GJA8: variants seen among roughly 807,000 people sequenced by gnomAD.
The protein encoded by GJA8 is gap junction alpha-8 protein.
GJA8 carries 13 observed loss-of-function variants against 15.3 expected under a neutral mutation model. That is an observed-to-expected ratio of 0.85 (90% CI 0.55 to 1.35). The LOEUF is 1.35. Ranked by LOEUF, GJA8 falls within the 40% of genes most tolerant of loss-of-function variation. The pLI is 0.00. For missense variants in GJA8, 607 were observed against 553.3 expected, an observed-to-expected ratio of 1.10 and a Z score of -0.97; for synonymous variants, 304 against 238.7, an observed-to-expected ratio of 1.27 and a Z score of -2.52.
chr1:147,909,291 G>C (rs781853115), downstream of GJA8: 13 of 1,343,194 alleles, frequency 9.7e-6, no homozygotes, highest in South Asian at 1.4e-4. Context: ...AAACGCCCAA[G>C]CTTACGTAGG....
intron 1 of GJA8, among the ~76,000 whole-genome samples, chr1:147,904,121 T>C (rs9437985): frequency 0.31 from 46,376 of 151,708 alleles, 7,278 homozygotes; most frequent in Admixed American, 0.4. Flanking sequence ...TTAGTAGAGA[T>C]AGGGTTTCAC....
rs1553242982 is a variant in GJA8 at position 147,909,018 on chromosome 1, A to G, written c.1063A>G (p.Arg355Gly). Residue 355 changes from arginine (R) to glycine (G), a missense_variant, in exon 2 of 2, where the codon AGG (arginine) becomes GGG (glycine). Physicochemically the swap from Arg to Gly is moderately radical, Grantham distance 125 (BLOSUM62 -2). Transcript: ENST00000369235. ...EVGEKKEEAE[R>G]LTTEEQEKVA... ...GGGAGAGAAGAAGGAGGAAGCAGAGAGGCTGACCACGGAGGAGCAGGAGAA... is the reference window on the plus strand; with the variant it reads ...GGGAGAGAAGAAGGAGGAAGCAGAGGGGCTGACCACGGAGGAGCAGGAGAA... 4 of 1,596,000 alleles carry G rather than the reference A, an allele frequency of 2.5e-6. No individual in the cohort carries two copies. The highest frequency in any genetic ancestry group is 2.6e-6 in the Non-Finnish European group (3 of 1,170,708).
At chr1:147,907,165 G>A (rs1187148733) in intron 1 of GJA8, among the ~76,000 whole-genome samples, 1 of 152,112 alleles carries the variant, frequency 6.6e-6, no homozygotes, top group Non-Finnish European at 1.5e-5. Context: ...AGGATTACAG[G>A]CATGAGCCAC....
chr1:147,909,815 G>A (rs1451288314), downstream of GJA8, among the ~76,000 whole-genome samples: 4 of 152,190 alleles, frequency 2.6e-5, no homozygotes, highest in African/African-American at 9.7e-5. Flanking sequence ...TCCAGACAAT[G>A]AGTACCATGA....
chr1:147,903,558 G>T (rs1454369498), intron 1 of GJA8, among the ~76,000 whole-genome samples: 1 of 152,186 alleles, frequency 6.6e-6, no homozygotes, highest in Non-Finnish European at 1.5e-5. Flanking sequence ...AATGGGCTTA[G>T]ATCTAGAAGA....
intron 1 of GJA8, among the ~76,000 whole-genome samples, chr1:147,904,902 T>C (rs139873416): frequency 5.9e-5 from 9 of 152,254 alleles, no homozygotes; most frequent in Middle Eastern, 3.4e-3. Flanking sequence ...TAGAAAGACA[T>C]GGGCTTGTTT....
chr1:147,909,948 C>T (rs782278632), downstream of GJA8, among the ~76,000 whole-genome samples: 5 of 152,174 alleles, frequency 3.3e-5, no homozygotes, highest in Non-Finnish European at 4.4e-5. Context: ...CAGCCTCAAC[C>T]TCCCAAGCTC....
At chr1:147,904,215 G>T (rs1187987765) in intron 1 of GJA8, among the ~76,000 whole-genome samples, 1 of 152,170 alleles carries the variant, frequency 6.6e-6, no homozygotes, top group African/African-American at 2.4e-5. Flanking sequence ...TTACAGGCAT[G>T]AGTCACCACG....
rs397515627 is a variant in GJA8, at chr1:147,908,521, C to T, written c.566C>T (p.Pro189Leu). Residue 189 changes from proline to leucine, a missense_variant, in exon 2 of 2, where the codon CCC becomes CTC. By Grantham distance (98) the Pro-to-Leu change is moderately conservative. Coordinates refer to ENST00000369235, the MANE Select transcript of GJA8 (RefSeq NM_005267.5). ...TACCGCTGCAGCCGGTGGCCCTGCCCCAATGTGGTGGACTGCTTCGTGTCC... is the reference window on the plus strand; with the variant it reads ...TACCGCTGCAGCCGGTGGCCCTGCCTCAATGTGGTGGACTGCTTCGTGTCC... ...PLYRCSRWPC[P>L]NVVDCFVSRP... 1 of 1,614,130 alleles carries T rather than the reference C, an allele frequency of 6.2e-7. No individual in the cohort carries two copies. The highest frequency in any genetic ancestry group is 8.5e-7 in the Non-Finnish European group (1 of 1,180,012).
intron 1 of GJA8, among the ~76,000 whole-genome samples, chr1:147,907,655 C>G (rs1255951290): frequency 3.9e-5 from 6 of 152,146 alleles, no homozygotes; most frequent in Admixed American, 2.6e-4. Context: ...AGGAATTATA[C>G]AAATATTGCC....
rs1413543937 is a variant in GJA8, at chr1:147,909,029, G to A, written c.1074G>A (p.Thr358=). Residue 358 remains threonine, a synonymous_variant, in exon 2 of 2, where the codon ACG becomes ACA. Coordinates refer to ENST00000369235, the MANE Select transcript of GJA8 (RefSeq NM_005267.5). ...AGGAGGAAGCAGAGAGGCTGACCAC[G>A]GAGGAGCAGGAGAAGGTGGCCGTGC... ...EKKEEAERLT[T]EEQEKVAVPE... 6 of 1,596,578 alleles carry A rather than the reference G, an allele frequency of 3.8e-6. No individual in the cohort carries two copies. Among genetic ancestry groups the A allele is most frequent in the South Asian group, 1.1e-5 (1 of 89,106 alleles).
chr1:147,905,108 A>G (rs587698854), intron 1 of GJA8, among the ~76,000 whole-genome samples: 2 of 152,266 alleles, frequency 1.3e-5, no homozygotes, highest in South Asian at 4.1e-4. Context: ...ACCATTTTTT[A>G]CAAGTTCTTA....
At chr1:147,913,804 A>G (rs1183398245), downstream of GJA8, among the ~76,000 whole-genome samples, 1 of 152,212 alleles carries the variant, frequency 6.6e-6, no homozygotes. Context: ...AACCCAGCTT[A>G]GCAAAGTTTA....
intron 1 of GJA8, among the ~76,000 whole-genome samples, chr1:147,904,184 C>A (rs587752130): frequency 6.6e-6 from 1 of 152,270 alleles, no homozygotes; most frequent in South Asian, 2.1e-4. Context: ...CCTCCCACCT[C>A]GGCCTCCCAT....
downstream of GJA8, among the ~76,000 whole-genome samples, chr1:147,911,782 C>G (rs1558012853): frequency 6.6e-6 from 1 of 152,262 alleles, no homozygotes; most frequent in South Asian, 2.1e-4. Flanking sequence ...TCTATCTCAA[C>G]TAGAGCCTAA....
At chr1:147,904,420 C>T (rs1651714866) in intron 1 of GJA8, among the ~76,000 whole-genome samples, 1 of 151,916 alleles carries the variant, frequency 6.6e-6, no homozygotes, top group Admixed American at 6.6e-5. Context: ...TCAAGGATAC[C>T]CAAACATAAG....
At chr1:147,911,963 T>A (rs1652179411), downstream of GJA8, among the ~76,000 whole-genome samples, 2 of 151,836 alleles carry the variant, frequency 1.3e-5, no homozygotes, top group Non-Finnish European at 3.0e-5. Flanking sequence ...GTACCCACAC[T>A]GTCCCCACAT....
downstream of GJA8, among the ~76,000 whole-genome samples, chr1:147,912,895 TAAAAAAAAAA>T (rs782718322): frequency 2.5e-5 from 3 of 118,974 alleles, no homozygotes; most frequent in Non-Finnish European, 5.5e-5. Context: ...GGGCATTATT[TAAAAAAAAAA>T]AAAAAAAAAA....
intron 1 of GJA8, among the ~76,000 whole-genome samples, 93 bp downstream of exon 1, chr1:147,902,954 A>T (rs1324629720): frequency 6.6e-6 from 1 of 152,146 alleles, no homozygotes; most frequent in Admixed American, 6.6e-5. Context: ...CTTCTCCAAA[A>T]GGAAAAAGGT....
Sources: gnomAD v4.1 joint callset for allele counts (sites outside exome capture counted in the v4.1 genomes callset) on GRCh38, gnomAD v4.1.1 for gene constraint, MANE v1.5 for transcripts, NCBI Gene and HGNC (gene_info 2026-07-23, HGNC 2026-07-21) for gene names.